The following DRC9 variants were observed in gnomAD, a reference collection of about 807,000 sequenced individuals.
The protein encoded by DRC9 is dynein regulatory complex protein 9.
the DRC9 span, among the ~76,000 whole-genome samples, chr3:197,890,272 G>T: frequency 6.6e-6 from 1 of 152,156 alleles, no homozygotes; most frequent in Admixed American, 6.6e-5. Flanking sequence ...AGGCCTGGTG[G>T]CTTGTGCCTA....
the DRC9 span, among the ~76,000 whole-genome samples, chr3:197,921,105 A>G: frequency 0.085 from 8,541 of 100,294 alleles, 648 homozygotes; most frequent in African/African-American, 0.14. Context: ...ATTTCACCTG[A>G]TTTCATCTTG....
At chr3:197,908,343 T>C in the DRC9 span, among the ~76,000 whole-genome samples, 1 of 142,276 alleles carries the variant, frequency 7.0e-6, no homozygotes, top group South Asian at 2.4e-4. Flanking sequence ...TCCTCCCAGA[T>C]GAAGTTATCA....
chr3:197,931,256 T>C, the DRC9 span, among the ~76,000 whole-genome samples: 1 of 151,560 alleles, frequency 6.6e-6, no homozygotes, highest in Non-Finnish European at 1.5e-5. Flanking sequence ...CTGAGATGGG[T>C]GGACCACTTG....
the DRC9 span, chr3:197,891,672 A>G: frequency 1.3e-5 from 6 of 454,974 alleles, no homozygotes; most frequent in Non-Finnish European, 2.0e-5. Context: ...TAAACCAAAG[A>G]AAAAAATGTA....
At chr3:197,934,374 A>G in the DRC9 span, among the ~76,000 whole-genome samples, 18 of 151,910 alleles carry the variant, frequency 1.2e-4, no homozygotes, top group Admixed American at 9.8e-4. Context: ...TAGTAGAGAC[A>G]GGGTTTCACC....
At chr3:197,938,844 CT>C in the DRC9 span, 1 of 1,135,032 alleles carries the variant, frequency 8.8e-7, no homozygotes. Context: ...AGAAAGAGGC[CT>C]TTGTGTACAT....
the DRC9 span, among the ~76,000 whole-genome samples, chr3:197,947,593 C>A: frequency 1.8e-4 from 28 of 152,298 alleles, no homozygotes; most frequent in Admixed American, 8.5e-4. Context: ...ACCTTTTCAC[C>A]GTGTAAAGTC....
chr3:197,892,536 A>G, the DRC9 span: 46 of 1,453,568 alleles, frequency 3.2e-5, no homozygotes, highest in Middle Eastern at 1.8e-4. Flanking sequence ...CTCCCTCCTC[A>G]GTGAGTGCCC....
chr3:197,892,830 A>ATAG, the DRC9 span: 2 of 1,573,070 alleles, frequency 1.3e-6, no homozygotes, highest in Admixed American at 3.4e-5. Flanking sequence ...GATTCCACTT[A>ATAG]TACGAGTTTC....
the DRC9 span, among the ~76,000 whole-genome samples, chr3:197,894,311 C>G: frequency 2.6e-5 from 4 of 152,182 alleles, no homozygotes; most frequent in South Asian, 8.3e-4. Flanking sequence ...CATATATATA[C>G]ATAATATCTG....
chr3:197,913,357 C>CGTGTGTGCGTGCGTGCGTGT, the DRC9 span: 206 of 224,176 alleles, frequency 9.2e-4, no homozygotes, highest in African/African-American at 4.8e-3. Context: ...TGTGTGCGTG[C>CGTGTGTGCGTGCGTGCGTGT]GTGCGTGTGT....
chr3:197,936,124 A>C, the DRC9 span, among the ~76,000 whole-genome samples: 1 of 151,958 alleles, frequency 6.6e-6, no homozygotes, highest in South Asian at 2.1e-4. Context: ...GGATTGTACC[A>C]TTGTACTCCA....
At chr3:197,936,972 C>A in the DRC9 span, among the ~76,000 whole-genome samples, 8 of 152,248 alleles carry the variant, frequency 5.3e-5, no homozygotes, top group African/African-American at 1.9e-4. Context: ...TCAGCAAACT[C>A]TTTCTGTAAA....
At chr3:197,907,027 G>A in the DRC9 span, among the ~76,000 whole-genome samples, 1 of 152,128 alleles carries the variant, frequency 6.6e-6, no homozygotes, top group Non-Finnish European at 1.5e-5. Flanking sequence ...CGTGGTAAAT[G>A]TGCCCACCTT....
At chr3:197,930,294 G>T in the DRC9 span, among the ~76,000 whole-genome samples, 1 of 152,138 alleles carries the variant, frequency 6.6e-6, no homozygotes, top group Non-Finnish European at 1.5e-5. Context: ...GCTGCCATGA[G>T]CCAAGATCAT....
At chr3:197,945,547 G>T in the DRC9 span, 1 of 935,688 alleles carries the variant, frequency 1.1e-6, no homozygotes, top group Non-Finnish European at 1.7e-6. Context: ...AATAGATAAG[G>T]TATACACAGA....
chr3:197,934,513 C>A, the DRC9 span, among the ~76,000 whole-genome samples: 1 of 151,686 alleles, frequency 6.6e-6, no homozygotes, highest in Non-Finnish European at 1.5e-5. Flanking sequence ...GATGAGTAAA[C>A]CAGGTTCAGG....
chr3:197,912,564 T>C, the DRC9 span: 6 of 780,752 alleles, frequency 7.7e-6, no homozygotes, highest in Non-Finnish European at 1.3e-5. Context: ...CTAAAGTTCA[T>C]TAGGCTGAAA....
chr3:197,932,403 G>A, the DRC9 span: 7 of 842,852 alleles, frequency 8.3e-6, no homozygotes, highest in African/African-American at 1.3e-4. Flanking sequence ...GGGAGGCTGA[G>A]GCAGGCGGAT....
Sources: gnomAD v4.1 joint callset for allele counts (sites outside exome capture counted in the v4.1 genomes callset) on GRCh38, gnomAD v4.1.1 for gene constraint, MANE v1.5 for transcripts, NCBI Gene and HGNC (gene_info 2026-07-23, HGNC 2026-07-21) for gene names.